The following PKIB variants were observed in gnomAD, a reference collection of about 807,000 sequenced individuals.
PKIB encodes the protein PKI-beta.
PKIB carries 2 observed loss-of-function variants against 4.5 expected under a neutral mutation model. The observed-to-expected ratio is 0.44, with a 90% CI of 0.18 to 1.39. The LOEUF is 1.39. Ranked by LOEUF, PKIB falls within the 40% of genes most tolerant of loss-of-function variation. The pLI, the probability that PKIB is intolerant of heterozygous loss-of-function variation, is 0.27. For synonymous variants in PKIB, 38 were observed against 36.0 expected (o/e 1.06, Z -0.20); for missense variants, 94 against 92.6 (o/e 1.02, Z -0.06).
chr6:122,709,578 G>A (rs188214661), intron 3 of PKIB, among the ~76,000 whole-genome samples: 1 of 151,956 alleles, frequency 6.6e-6, no homozygotes, highest in Non-Finnish European at 1.5e-5. Flanking sequence ...TATAAAATGA[G>A]TTGCAATGAT....
intron 2 of PKIB, among the ~76,000 whole-genome samples, chr6:122,542,529 G>T (rs549319625): frequency 2.0e-5 from 3 of 152,208 alleles, no homozygotes; most frequent in Admixed American, 6.5e-5. Context: ...CTATAGAACA[G>T]TGGATCTTGG....
intron 2 of PKIB, among the ~76,000 whole-genome samples, chr6:122,666,594 T>A (rs1352772577): frequency 6.6e-6 from 1 of 152,184 alleles, no homozygotes; most frequent in Non-Finnish European, 1.5e-5. Flanking sequence ...CATGGGCGCA[T>A]TTCTGTGTGC....
At chr6:122,508,324 T>C (rs1391606183) in intron 2 of PKIB, among the ~76,000 whole-genome samples, 5 of 152,154 alleles carry the variant, frequency 3.3e-5, no homozygotes, top group Non-Finnish European at 5.9e-5. Context: ...GTTTGTCAGA[T>C]TATGTTAGGT....
chr6:122,653,388 G>A (rs1776641311), intron 2 of PKIB, among the ~76,000 whole-genome samples: 1 of 151,920 alleles, frequency 6.6e-6, no homozygotes, highest in African/African-American at 2.4e-5. Flanking sequence ...GTGTGTGTTG[G>A]GCTGTTCTCC....
chr6:122,613,599 AT>A (rs2114766570), intron 1 of PKIB, among the ~76,000 whole-genome samples: 1 of 152,266 alleles, frequency 6.6e-6, no homozygotes, highest in South Asian at 2.1e-4. Flanking sequence ...TTACATGGAA[AT>A]AATCTAGGTT....
intron 2 of PKIB, among the ~76,000 whole-genome samples, chr6:122,519,065 G>A (rs114681696): frequency 6.6e-4 from 101 of 152,244 alleles, no homozygotes; most frequent in African/African-American, 2.3e-3. Flanking sequence ...TTTAGGCTAG[G>A]GGTACCAGTC....
chr6:122,507,735 G>A (rs1776455552), intron 2 of PKIB, among the ~76,000 whole-genome samples: 1 of 151,758 alleles, frequency 6.6e-6, no homozygotes, highest in South Asian at 2.1e-4. Flanking sequence ...ACCCAAACTG[G>A]AAGTTGTTTT....
chr6:122,554,183 A>C (rs994156311), intron 2 of PKIB, among the ~76,000 whole-genome samples: 6 of 152,220 alleles, frequency 3.9e-5, no homozygotes, highest in Admixed American at 1.3e-4. Context: ...ACTAGACTAC[A>C]TTACTGTGAC....
chr6:122,639,624 G>C (rs2114844841), intron 2 of PKIB, among the ~76,000 whole-genome samples: 1 of 152,258 alleles, frequency 6.6e-6, no homozygotes, highest in East Asian at 1.9e-4. Flanking sequence ...AGGAGTGGCT[G>C]ATGTTTTCTT....
At chr6:122,663,554 GAT>G (rs1777096872) in intron 2 of PKIB, among the ~76,000 whole-genome samples, 1 of 152,174 alleles carries the variant, frequency 6.6e-6, no homozygotes, top group Admixed American at 6.5e-5. Flanking sequence ...TGCTCCCTCT[GAT>G]GCCTAGAGGG....
intron 2 of PKIB, among the ~76,000 whole-genome samples, chr6:122,669,365 A>T (rs1385859895): frequency 6.6e-6 from 1 of 152,170 alleles, no homozygotes; most frequent in Non-Finnish European, 1.5e-5. Context: ...AGCCCACATT[A>T]GATTCCCTTT....
intron 2 of PKIB, among the ~76,000 whole-genome samples, chr6:122,494,362 G>A (rs565045134): frequency 2.7e-4 from 41 of 152,270 alleles, no homozygotes; most frequent in African/African-American, 8.7e-4. Flanking sequence ...TGGGCCAATG[G>A]TACAATATGG....
At chr6:122,541,508 G>A (rs1373698547) in intron 2 of PKIB, among the ~76,000 whole-genome samples, 1 of 151,880 alleles carries the variant, frequency 6.6e-6, no homozygotes, top group Non-Finnish European at 1.5e-5. Flanking sequence ...TTGAATATTG[G>A]CCCCCACTCT....
intron 2 of PKIB, among the ~76,000 whole-genome samples, chr6:122,559,416 C>A (rs1335749487): frequency 6.6e-6 from 1 of 151,912 alleles, no homozygotes; most frequent in Non-Finnish European, 1.5e-5. Flanking sequence ...TATTTCTATC[C>A]CAGTATCATG....
intron 2 of PKIB, among the ~76,000 whole-genome samples, 180 bp from the exon 3 acceptor site, chr6:122,674,898 G>A (rs1042547612): frequency 2.0e-5 from 3 of 151,948 alleles, no homozygotes; most frequent in Non-Finnish European, 2.9e-5. Context: ...AGATCCTTTT[G>A]ACTTTTAATA....
chr6:122,565,689 T>C (rs1336672847), intron 2 of PKIB, among the ~76,000 whole-genome samples: 2 of 152,192 alleles, frequency 1.3e-5, no homozygotes, highest in African/African-American at 2.4e-5. Context: ...AACTTCCCTG[T>C]TGTCCACCTC....
At chr6:122,546,233 C>G (rs565754229) in intron 2 of PKIB, among the ~76,000 whole-genome samples, 1 of 152,030 alleles carries the variant, frequency 6.6e-6, no homozygotes, top group Non-Finnish European at 1.5e-5. Flanking sequence ...TCTAATGAAC[C>G]CTAGGGTCTT....
intron 2 of PKIB, among the ~76,000 whole-genome samples, chr6:122,634,197 G>A (rs369044311): frequency 1.1e-3 from 165 of 151,904 alleles, no homozygotes; most frequent in African/African-American, 3.5e-3. Flanking sequence ...ATCACACACC[G>A]GGGCCTGTCA....
chr6:122,720,125 C>T (rs1173564135), intron 4 of PKIB, among the ~76,000 whole-genome samples: 2 of 152,110 alleles, frequency 1.3e-5, no homozygotes, highest in Admixed American at 6.6e-5. Flanking sequence ...TTCACTTAAA[C>T]ATACAAATTT....
Sources: gnomAD v4.1 joint callset for allele counts (sites outside exome capture counted in the v4.1 genomes callset) on GRCh38, gnomAD v4.1.1 for gene constraint, MANE v1.5 for transcripts, NCBI Gene and HGNC (gene_info 2026-07-23, HGNC 2026-07-21) for gene names.